SOBP: variants seen among roughly 807,000 people sequenced by gnomAD.
The protein encoded by SOBP is sine oculis-binding protein homolog.
Under a neutral mutation model 53.6 loss-of-function variants are expected in SOBP, and 4 were observed. That is an observed-to-expected ratio of 0.07 (90% CI 0.04 to 0.17). The LOEUF (loss-of-function observed/expected upper bound fraction) is 0.17, where lower values mean the gene tolerates loss of function less well. SOBP is among the 10% of genes least tolerant of loss of function. The pLI is 1.00. For missense variants in SOBP, 1,088 were observed against 1,204.7 expected, an observed-to-expected ratio of 0.90 and a Z score of 1.43; for synonymous variants, 584 against 522.6, an observed-to-expected ratio of 1.12 and a Z score of -1.60.
At chr6:107,580,399 C>A (rs748400198) in intron 4 of SOBP, among the ~76,000 whole-genome samples, 1 of 152,192 alleles carries the variant, frequency 6.6e-6, no homozygotes, top group South Asian at 2.1e-4. Context: ...CAGAACATTC[C>A]AGGCCTTGGC....
intron 4 of SOBP, among the ~76,000 whole-genome samples, chr6:107,545,232 G>T (rs946853604): frequency 1.1e-4 from 17 of 152,192 alleles, no homozygotes; most frequent in Admixed American, 4.6e-4. Flanking sequence ...CCCACTAGGT[G>T]TGGTGAAGAG....
At chr6:107,550,149 A>G (rs922056867) in intron 4 of SOBP, among the ~76,000 whole-genome samples, 1 of 152,254 alleles carries the variant, frequency 6.6e-6, no homozygotes, top group African/African-American at 2.4e-5. Flanking sequence ...CAGTTGACCC[A>G]CACTCGGCTT....
chr6:107,597,508 G>A (rs978339475), intron 5 of SOBP, among the ~76,000 whole-genome samples: 2 of 152,044 alleles, frequency 1.3e-5, no homozygotes, highest in South Asian at 2.1e-4. Context: ...TTTATATATA[G>A]GAAAAGGAAA....
At position 107,661,010 on chromosome 6, in the gene SOBP, A is replaced by G. The variant is rs1772272344; in HGVS notation, c.*2807A>G. 6.6e-6 allele frequency among the ~76,000 whole-genome samples: 1 copy of G among 152,186 alleles called. No homozygotes were observed. The highest frequency in any genetic ancestry group is 1.5e-5 in the Non-Finnish European group (1 of 68,032). On this transcript the variant is annotated 3_prime_UTR_variant, in exon 7 of 7. Transcript: ENST00000317357. ...AGGCAAGCCCAGCCAAGGACGTGCCAGCGGCCGAGGCACCCGGCTGTGGTT... is the reference window on the plus strand; with the variant it reads ...AGGCAAGCCCAGCCAAGGACGTGCCGGCGGCCGAGGCACCCGGCTGTGGTT...
At position 107,553,294 on chromosome 6, in the gene SOBP, A is replaced by ATTTT. The variant is rs1247173685; in HGVS notation, c.573+19686_573+19687insTTTT. The stretch of plus-strand genomic sequence containing the variant: ...TCTGAAATCCACTCACGGGCTTATT[A>ATTTT]TTATTTTATTTATTTATTTATTTAT... On this transcript the variant is annotated intron_variant, in intron 4 of 6. Coordinates refer to ENST00000317357, the MANE Select transcript of SOBP (RefSeq NM_018013.4). Among the ~76,000 whole-genome samples the ATTTT allele has an allele frequency of 4.3e-5, 6 of 137,996 alleles. No individual in the cohort carries two copies. The Admixed American group carries it at 4.5e-4, about 10-fold the overall frequency. The allele number at this position is 137,996 out of a possible 152,430, so 90.5% of individuals were successfully genotyped here.
rs764613707 is a variant in SOBP, at chr6:107,506,422, C to A, written c.416C>A (p.Pro139Gln). 2 of 1,614,008 alleles carry A rather than the reference C, an allele frequency of 1.2e-6. No homozygotes were observed. The highest frequency in any genetic ancestry group is 4.5e-5 in the East Asian group (2 of 44,876). ...PLIPPPFIKP[P>Q]AEDDVSNVQI... Reference sequence around the variant, plus strand: ...ATTCCACCACCTTTCATAAAGCCACCAGCAGGTAAGTCACTACTGGTGTTT... The same window carrying A: ...ATTCCACCACCTTTCATAAAGCCACAAGCAGGTAAGTCACTACTGGTGTTT... Residue 139 changes from proline (P) to glutamine (Q), a missense_variant, in exon 3 of 7, where the codon CCA becomes CAA. Coordinates refer to ENST00000317357, the MANE Select transcript of SOBP (RefSeq NM_018013.4).
chr6:107,556,623 T>C (rs1388986872), intron 4 of SOBP, among the ~76,000 whole-genome samples: 1 of 152,236 alleles, frequency 6.6e-6, no homozygotes, highest in Non-Finnish European at 1.5e-5. Flanking sequence ...ATAGTTTGAC[T>C]GCATTAATGC....
chr6:107,594,907 T>TCTCTGACCACACAC (rs1785889920), intron 5 of SOBP, among the ~76,000 whole-genome samples: 1 of 152,202 alleles, frequency 6.6e-6, no homozygotes, highest in Admixed American at 6.5e-5. Flanking sequence ...TTGACCCACA[T>TCTCTGACCACACAC]CTCTGACCAC....
rs745967498 is a variant in SOBP, at chr6:107,634,293, C to T, written c.1449C>T (p.Ala483=). ...PGLLPPPPPG[A]PLPSLPFPPV... The stretch of plus-strand genomic sequence containing the variant: ...TGCTGCCCCCGCCGCCTCCGGGCGC[C>T]CCGCTGCCGAGTCTTCCCTTCCCGC... Residue 483 remains alanine (A), a synonymous_variant, in exon 6 of 7, where the codon GCC becomes GCT. Transcript: ENST00000317357. The surrounding 1 kb of genome is among the most constrained non-coding windows in gnomAD (Gnocchi z 4.5). The T allele has an allele frequency of 1.7e-5, 27 of 1,563,326 alleles. No homozygotes were observed. Among genetic ancestry groups the T allele is most frequent in the Non-Finnish European group, 2.2e-5 (25 of 1,161,220 alleles).
At position 107,490,554 on chromosome 6, in the gene SOBP, G is replaced by GCCA. The variant is rs1292502025; in HGVS notation, c.-54_-52dup. ...CACCACCTCCACCGCCGCCGCCGCC[G>GCCA]CCACCACCACCGCCGGCGGCGGCAG... is the stretch of plus-strand genomic sequence containing the variant. On this transcript the variant is annotated 5_prime_UTR_variant, in exon 1 of 7. Coordinates refer to ENST00000317357, the MANE Select transcript of SOBP (RefSeq NM_018013.4). 6.4e-6 allele frequency: 8 copies of GCCA among 1,253,234 alleles called. No individual in the cohort carries two copies. Among genetic ancestry groups the GCCA allele is most frequent in the East Asian group, 2.6e-5 (1 of 38,906 alleles). 77.6% of individuals were successfully genotyped at this position (1,253,234 alleles called of 1,614,324 possible). A position where few individuals can be genotyped will look rare whatever the true frequency, so the allele number is the denominator to read the frequency against.
chr6:107,581,336 C>T (rs1367006109), intron 4 of SOBP, among the ~76,000 whole-genome samples: 4 of 152,130 alleles, frequency 2.6e-5, no homozygotes, highest in African/African-American at 9.7e-5. Flanking sequence ...TCTAGCTCCA[C>T]CAGAAAGAAT....
intron 5 of SOBP, among the ~76,000 whole-genome samples, chr6:107,624,143 A>G (rs1297482584): frequency 6.6e-6 from 1 of 152,240 alleles, no homozygotes; most frequent in Non-Finnish European, 1.5e-5. Flanking sequence ...CGAAGGCCTA[A>G]CAGTGGGACT....
At chr6:107,573,563 G>A (rs988162589) in intron 4 of SOBP, among the ~76,000 whole-genome samples, 3 of 152,216 alleles carry the variant, frequency 2.0e-5, no homozygotes, top group Admixed American at 2.0e-4. Context: ...TTCTCCATCA[G>A]TGGTGGCACC....
rs1194240431 is a variant in SOBP at position 107,658,257 on chromosome 6, A to G, written c.*54A>G. On this transcript the variant is annotated 3_prime_UTR_variant, in exon 7 of 7. Transcript: ENST00000317357. Reference sequence around the variant, plus strand: ...ATGGAGAGAGGGCGCAGAGCAAACCATGTCACGCCATCCAATGACACCAGC... The same window carrying G: ...ATGGAGAGAGGGCGCAGAGCAAACCGTGTCACGCCATCCAATGACACCAGC... 1 of 152,704 alleles carries G rather than the reference A, an allele frequency of 6.5e-6. No individual in the cohort carries two copies. Among genetic ancestry groups the G allele is most frequent in the Non-Finnish European group, 1.5e-5 (1 of 68,124 alleles). 9.5% of individuals were successfully genotyped at this position (152,704 alleles called of 1,614,324 possible). A position where few individuals can be genotyped will look rare whatever the true frequency, so the allele number is the denominator to read the frequency against.
chr6:107,551,503 T>C (rs907814878), intron 4 of SOBP, among the ~76,000 whole-genome samples: 1 of 152,190 alleles, frequency 6.6e-6, no homozygotes, highest in Non-Finnish European at 1.5e-5. Context: ...AAGGTATCAA[T>C]GAAGATTTTC....
At position 107,659,022 on chromosome 6, in the gene SOBP, A is replaced by G. The variant is rs1772186972; in HGVS notation, c.*819A>G. On this transcript the variant is annotated 3_prime_UTR_variant, in exon 7 of 7. Transcript: ENST00000317357. ...TTTAAATTCCCCTAAATAGCGCCCC[A>G]TTTGGGAACAGAGCAAGAGTGTTGA... 1 of 152,622 alleles carries G rather than the reference A, an allele frequency of 6.6e-6. No homozygotes were observed. Among genetic ancestry groups the G allele is most frequent in the Non-Finnish European group, 1.5e-5 (1 of 68,036 alleles). 9.5% of individuals were successfully genotyped at this position (152,622 alleles called of 1,614,324 possible).
In SOBP at chr6:107,636,796, G is replaced by C. The variant is rs1468529593; in HGVS notation, c.*3+1327G>C. On this transcript the variant is annotated intron_variant, in intron 6 of 6. Transcript: ENST00000317357. The stretch of plus-strand genomic sequence containing the variant: ...GTAAGATGAATAATTGCTCACATTT[G>C]TATGCAGGCTGTCTTCTAAGTGTTT... 2.6e-5 allele frequency among the ~76,000 whole-genome samples: 4 copies of C among 152,302 alleles called. No individual in the cohort carries two copies. In the South Asian group the frequency reaches 6.2e-4, roughly 24 times the overall value.
chr6:107,631,096 A>G (rs1770696779), intron 5 of SOBP, among the ~76,000 whole-genome samples: 1 of 152,194 alleles, frequency 6.6e-6, no homozygotes, highest in Admixed American at 6.5e-5. Flanking sequence ...TTTTTACTCC[A>G]TTTGAAAATA....
intron 4 of SOBP, among the ~76,000 whole-genome samples, chr6:107,541,564 G>A (rs1380756189): frequency 6.6e-6 from 1 of 152,126 alleles, no homozygotes; most frequent in Non-Finnish European, 1.5e-5. Flanking sequence ...TATTTTGGAG[G>A]CTCAATGGGT....
Sources: gnomAD v4.1 joint callset for allele counts (sites outside exome capture counted in the v4.1 genomes callset) on GRCh38, gnomAD v4.1.1 for gene constraint, Gnocchi (gnomAD v3.1) non-coding constraint, MANE v1.5 for transcripts, NCBI Gene and HGNC (gene_info 2026-07-23, HGNC 2026-07-21) for gene names.